Variants in ATP6V1C2 observed in about 807,000 individuals in gnomAD.
The protein encoded by ATP6V1C2 is ATPase H+ transporting V1 subunit C2, also known as V-type proton ATPase subunit C 2.
ATP6V1C2 carries 45 observed loss-of-function variants against 56.8 expected under a neutral mutation model. That is an observed-to-expected ratio of 0.79 (90% CI 0.62 to 1.02). ATP6V1C2 has a LOEUF of 1.02. Ranked by LOEUF, ATP6V1C2 falls within the 50% of genes least tolerant of loss-of-function variation. The pLI, the probability that ATP6V1C2 is intolerant of heterozygous loss-of-function variation, is 0.00. For synonymous variants in ATP6V1C2, 220 were observed against 201.3 expected (o/e 1.09, Z -0.79); for missense variants, 463 against 519.7 (o/e 0.89, Z 1.06).
At chr2:10,764,716 A>G (rs1185796470) in intron 5 of ATP6V1C2, among the ~76,000 whole-genome samples, 1 of 152,224 alleles carries the variant, frequency 6.6e-6, no homozygotes, top group Non-Finnish European at 1.5e-5. Flanking sequence ...TTACGCCTGT[A>G]ATCCCAGCAC....
chr2:10,771,531 C>T (rs1558420225), intron 6 of ATP6V1C2, among the ~76,000 whole-genome samples: 1 of 152,214 alleles, frequency 6.6e-6, no homozygotes, highest in Non-Finnish European at 1.5e-5. Flanking sequence ...GGCACCAGGG[C>T]AGCGCAGGTC....
At chr2:10,734,287 C>T (rs1026996473) in intron 3 of ATP6V1C2, among the ~76,000 whole-genome samples, 1 of 152,056 alleles carries the variant, frequency 6.6e-6, no homozygotes, top group African/African-American at 2.4e-5. Context: ...CCTGGAGACT[C>T]TTTTCCCCAC....
intron 3 of ATP6V1C2, among the ~76,000 whole-genome samples, chr2:10,743,265 A>T (rs1662667217): frequency 6.6e-6 from 1 of 151,452 alleles, no homozygotes; most frequent in African/African-American, 2.4e-5. Context: ...ATATTTATTT[A>T]TATATATATT....
intron 5 of ATP6V1C2, among the ~76,000 whole-genome samples, chr2:10,766,675 A>T (rs1248076581): frequency 6.6e-6 from 1 of 152,218 alleles, no homozygotes; most frequent in Non-Finnish European, 1.5e-5. Flanking sequence ...ATGATACTGC[A>T]CTATGACGGT....
intron 11 of ATP6V1C2, 46 bp from the exon 12 acceptor site, chr2:10,778,526 A>G: frequency 6.4e-7 from 1 of 1,571,524 alleles, no homozygotes; most frequent in Non-Finnish European, 8.8e-7. Context: ...GCTCTGTGTC[A>G]GGCGGGGTGT....
chr2:10,784,983 G>T lies in ATP6V1C2; in HGVS notation c.*1720G>T, dbSNP rs183800454. ...CTCTCTCTCAACGATGGTAGGGAAA[G>T]CCCCGCCTCCTACAGGTGCCGTGGA... On this transcript the variant is annotated 3_prime_UTR_variant, in exon 14 of 14. Transcript: ENST00000272238. 81 of 1,591,328 alleles carry T rather than the reference G, an allele frequency of 5.1e-5. No homozygotes were observed. In the East Asian group the frequency reaches 1.8e-3, roughly 36 times the overall value.
intron 8 of ATP6V1C2, 115 bp downstream of exon 8, chr2:10,772,725 T>C: frequency 1.1e-6 from 1 of 900,398 alleles, no homozygotes; most frequent in Non-Finnish European, 1.9e-6. Flanking sequence ...TTTCCACACC[T>C]GGGCCCTCTC....
chr2:10,785,108 T>G lies in ATP6V1C2; in HGVS notation c.*1845T>G. 1 of 989,740 alleles carries G rather than the reference T, an allele frequency of 1.0e-6. No homozygotes were observed. The highest frequency in any genetic ancestry group is 1.4e-5 in the South Asian group (1 of 71,844). The allele number at this position is 989,740 out of a possible 1,614,324, so 61.3% of individuals were successfully genotyped here. A position where few individuals can be genotyped will look rare whatever the true frequency, so the allele number is the denominator to read the frequency against. On this transcript the variant is annotated 3_prime_UTR_variant, in exon 14 of 14. Coordinates refer to ENST00000272238, the MANE Select transcript of ATP6V1C2 (RefSeq NM_001039362.2). ...GCAGAAGAATAAACAACTTTAAAAA[T>G]AACAGTCTGCCTACTTTGTTTATGC...
intron 13 of ATP6V1C2, among the ~76,000 whole-genome samples, chr2:10,782,686 C>T (rs968973485): frequency 6.6e-6 from 1 of 151,918 alleles, no homozygotes; most frequent in Non-Finnish European, 1.5e-5. Context: ...CAAAAATTAG[C>T]TGGGTATGGT....
At chr2:10,745,787 C>G (rs1410786406) in intron 3 of ATP6V1C2, among the ~76,000 whole-genome samples, 1 of 152,202 alleles carries the variant, frequency 6.6e-6, no homozygotes, top group Non-Finnish European at 1.5e-5. Context: ...TCCTCCTCCC[C>G]CAGGCCCTGG....
Position 10,785,003 on chromosome 2 carries a change from C to G in ATP6V1C2, c.*1740C>G, listed in dbSNP as rs201556867. The G allele has an allele frequency of 6.3e-7, 1 of 1,583,344 alleles. No individual in the cohort carries two copies. The highest frequency in any genetic ancestry group is 8.6e-7 in the Non-Finnish European group (1 of 1,163,102). ...GGAAAGCCCCGCCTCCTACAGGTGC[C>G]GTGGAGCCACGCCCAAAAGAGAGCT... is the stretch of plus-strand genomic sequence containing the variant. On this transcript the variant is annotated 3_prime_UTR_variant, in exon 14 of 14. Transcript: ENST00000272238.
intron 6 of ATP6V1C2, among the ~76,000 whole-genome samples, chr2:10,770,826 C>T (rs1264032830): frequency 6.6e-6 from 1 of 152,254 alleles, no homozygotes; most frequent in Admixed American, 6.5e-5. Context: ...ACCAAGTATG[C>T]ACTGTGCCCT....
chr2:10,773,538 A>G (rs1331647547), intron 8 of ATP6V1C2, among the ~76,000 whole-genome samples: 1 of 152,074 alleles, frequency 6.6e-6, no homozygotes, highest in Non-Finnish European at 1.5e-5. Flanking sequence ...GTGCACCAAC[A>G]CGGCCAGCTA....
At chr2:10,777,525 AT>A in intron 10 of ATP6V1C2, 59 bp from the exon 11 acceptor site, 1 of 1,585,208 alleles carries the variant, frequency 6.3e-7, no homozygotes, top group Non-Finnish European at 8.6e-7. Context: ...GATGAGAATG[AT>A]TTATTTGTTT....
intron 4 of ATP6V1C2, among the ~76,000 whole-genome samples, chr2:10,758,902 T>A (rs1484176807): frequency 6.6e-6 from 1 of 152,116 alleles, no homozygotes; most frequent in East Asian, 1.9e-4. Flanking sequence ...CTCTTGACCT[T>A]GTGATCCGCC....
At chr2:10,747,723 T>C (rs1353413134) in intron 3 of ATP6V1C2, among the ~76,000 whole-genome samples, 1 of 152,120 alleles carries the variant, frequency 6.6e-6, no homozygotes, top group East Asian at 1.9e-4. Flanking sequence ...GCACACTTTC[T>C]ACCAAAATAA....
At chr2:10,781,683 A>C (rs1665367612) in intron 12 of ATP6V1C2, among the ~76,000 whole-genome samples, 1 of 152,162 alleles carries the variant, frequency 6.6e-6, no homozygotes, top group Admixed American at 6.5e-5. Context: ...AGAGTATAAA[A>C]ATACATCAAC....
At chr2:10,748,148 GGC>G (rs1175566326) in intron 3 of ATP6V1C2, among the ~76,000 whole-genome samples, 1 of 152,136 alleles carries the variant, frequency 6.6e-6, no homozygotes, top group Non-Finnish European at 1.5e-5. Context: ...CACTTGCCTT[GGC>G]CTCCCAAAGT....
intron 3 of ATP6V1C2, among the ~76,000 whole-genome samples, chr2:10,746,438 A>G (rs932388449): frequency 2.7e-5 from 4 of 146,120 alleles, no homozygotes; most frequent in South Asian, 2.2e-4. Context: ...TTTGAGACAG[A>G]GTCTCCCTCT....
Sources: gnomAD v4.1 joint callset for allele counts (sites outside exome capture counted in the v4.1 genomes callset) on GRCh38, gnomAD v4.1.1 for gene constraint, MANE v1.5 for transcripts, NCBI Gene and HGNC (gene_info 2026-07-23, HGNC 2026-07-21) for gene names.